Variants in ITGA10 observed in about 807,000 individuals in gnomAD.
The protein encoded by ITGA10 is integrin alpha-10.
ITGA10 carries 105 observed loss-of-function variants against 145.2 expected under a neutral mutation model. The observed-to-expected ratio is 0.72, with a 90% CI of 0.62 to 0.85. The LOEUF (loss-of-function observed/expected upper bound fraction) is 0.85. Ranked by LOEUF, ITGA10 falls within the 40% of genes least tolerant of loss-of-function variation. ITGA10 has a pLI of 0.00. For synonymous variants in ITGA10, 506 were observed against 557.8 expected (o/e 0.91, Z 1.31); for missense variants, 1,317 against 1,444.5 (o/e 0.91, Z 1.43).
intron 20 of ITGA10, 37 bp from the exon 21 acceptor site, chr1:145,897,376 G>A (rs782077123): frequency 5.0e-6 from 8 of 1,608,504 alleles, no homozygotes; most frequent in Non-Finnish European, 6.8e-6. Flanking sequence ...GCTGGAGCTG[G>A]GGCTGCAACT....
chr1:145,903,371 G>A lies in ITGA10; in HGVS notation c.759-410C>T, dbSNP rs138163627. On this transcript the variant is annotated intron_variant, in intron 7 of 29. Coordinates refer to ENST00000369304, the MANE Select transcript of ITGA10 (RefSeq NM_003637.5). ...ATTTTACCACCGTGCCCCTAGAGAT[G>A]AGTTTTGGATCATGTTTGGAACGTG... is the stretch of plus-strand genomic sequence containing the variant. Among the ~76,000 whole-genome samples, 18 of 152,268 alleles carry A rather than the reference G, an allele frequency of 1.2e-4. No homozygotes were observed. The East Asian group carries it at 3.3e-3, about 28-fold the overall frequency.
At position 145,902,776 on chromosome 1, in the gene ITGA10, TC is replaced by T. The variant is rs782658414; in HGVS notation, c.909+34del. On this transcript the variant is annotated intron_variant, in intron 8 of 29. Coordinates refer to ENST00000369304, the MANE Select transcript of ITGA10 (RefSeq NM_003637.5). ...TCACAAGACACTGCCCCCCTGCCAC[TC>T]CCCAACTCTTCCAGATCCAGGGTGA... 73 of 1,587,496 alleles carry T rather than the reference TC, an allele frequency of 4.6e-5. No individual in the cohort carries two copies. In the East Asian group the frequency reaches 1.4e-3, roughly 31 times the overall value.
Position 145,897,082 on chromosome 1 carries a change from G to C in ITGA10, c.2673C>G (p.Thr891=), listed in dbSNP as rs781986055. ...HPVFQTGAKV[T]FLLEFEFSCS... Reference sequence around the variant, plus strand: ...AGCTAAACTCAAACTCTAGCAGAAAGGTCACCTAGGGGCAGGGGACACAGG... The same window carrying C: ...AGCTAAACTCAAACTCTAGCAGAAACGTCACCTAGGGGCAGGGGACACAGG... The change falls in exon 22 of 30, where the codon ACC becomes ACG. Residue 891 remains threonine (T), a synonymous_variant. Transcript: ENST00000369304. 5 of 1,613,664 alleles carry C rather than the reference G, an allele frequency of 3.1e-6. No individual in the cohort carries two copies. In the South Asian group the frequency reaches 4.4e-5, roughly 14 times the overall value.
chr1:145,899,472 A>C (rs2101783956), intron 15 of ITGA10, 131 bp from the exon 16 acceptor site: 1 of 942,784 alleles, frequency 1.1e-6, no homozygotes, highest in Non-Finnish European at 1.6e-6. Flanking sequence ...CCTCCCCCGA[A>C]CCCTCTGACA....
At chr1:145,898,075 G>A (rs1553746002) in intron 18 of ITGA10, 35 bp downstream of exon 18, 1 of 1,494,310 alleles carries the variant, frequency 6.7e-7, no homozygotes, top group Non-Finnish European at 9.3e-7. Context: ...GGAGGGCAGT[G>A]TTGGGAGCAA....
intron 17 of ITGA10, among the ~76,000 whole-genome samples, chr1:145,898,638 G>C (rs1382467120): frequency 2.0e-5 from 3 of 152,142 alleles, no homozygotes; most frequent in Non-Finnish European, 2.9e-5. Flanking sequence ...AAAGTGCTGG[G>C]ATTACAAGCG....
chr1:145,894,337 C>T (rs1286873121), intron 27 of ITGA10, among the ~76,000 whole-genome samples: 1 of 151,994 alleles, frequency 6.6e-6, no homozygotes, highest in African/African-American at 2.4e-5. Flanking sequence ...GTCTCGATCT[C>T]CTGATCTCAT....
rs145526374 is a variant in ITGA10, at chr1:145,902,925, G to A, written c.795C>T (p.Pro265=). ...EGFSQSHGGR[P]EAARLLVVVT... Reference sequence around the variant, plus strand: ...CAACCACCAGTAGCCTGGCAGCCTCGGGTCGGCCCCCATGGGACTGACTGA... The same window carrying A: ...CAACCACCAGTAGCCTGGCAGCCTCAGGTCGGCCCCCATGGGACTGACTGA... The change falls in exon 8 of 30, where the codon CCC becomes CCT. Residue 265 remains proline (P), a synonymous_variant. Coordinates refer to ENST00000369304, the MANE Select transcript of ITGA10 (RefSeq NM_003637.5). The A allele has an allele frequency of 4.3e-4, 700 of 1,612,480 alleles. No homozygotes were observed. The highest frequency in any genetic ancestry group is 5.8e-4 in the Admixed American group (35 of 59,856).
rs1553751444 is a variant in ITGA10, at chr1:145,907,072, G to C, written c.243C>G (p.Ala81=). The change falls in exon 3 of 30, where the codon GCC becomes GCG. Residue 81 remains alanine, a synonymous_variant. Transcript: ENST00000369304. The part of the protein sequence containing the change: ...GDVYRCPVGG[A]HNAPCAKGHL... ...GGCCCTTGGCACATGGGGCATTGTG[G>C]GCCCCCCCTACAGGGCAGCGATAAA... 6.4e-6 allele frequency: 10 copies of C among 1,561,142 alleles called. No individual in the cohort carries two copies. The highest frequency in any genetic ancestry group is 8.7e-6 in the Non-Finnish European group (10 of 1,152,136).
intron 26 of ITGA10, 113 bp downstream of exon 26, chr1:145,895,518 A>G: frequency 7.4e-7 from 1 of 1,343,630 alleles, no homozygotes; most frequent in Non-Finnish European, 1.1e-6. Context: ...ACTCCAGATC[A>G]GGACCCTGGG....
Position 145,902,968 on chromosome 1 carries a change from A to C in ITGA10, c.759-7T>G, listed in dbSNP as rs782274860. 1 of 1,585,646 alleles carries C rather than the reference A, an allele frequency of 6.3e-7. No homozygotes were observed. Among genetic ancestry groups the C allele is most frequent in the South Asian group, 1.2e-5 (1 of 86,262 alleles). ...CTGACTGAACCCTTCTGTGCTGAGA[A>C]GAGAAAGGAGTGAGGTGAGATCAGA... On this transcript the variant is annotated splice_polypyrimidine_tract_variant and splice_region_variant and intron_variant, in intron 7 of 29. Transcript: ENST00000369304.
rs1655267437 is a variant in ITGA10 at position 145,895,572 on chromosome 1, T to C, written c.3114+59A>G. On this transcript the variant is annotated intron_variant, in intron 26 of 29. Coordinates refer to ENST00000369304, the MANE Select transcript of ITGA10 (RefSeq NM_003637.5). Reference sequence around the variant, plus strand: ...CCCCACTCCAGTTCCTACCCTCTTGTCCCAAGTCACCCAACTCCACTTGCA... The same window carrying C: ...CCCCACTCCAGTTCCTACCCTCTTGCCCCAAGTCACCCAACTCCACTTGCA... The C allele has an allele frequency of 7.1e-6, 11 of 1,550,438 alleles. No individual in the cohort carries two copies. In the South Asian group the frequency reaches 1.2e-4, roughly 17 times the overall value.
chr1:145,900,871 C>A lies in ITGA10; in HGVS notation c.1710G>T (p.Gly570=), dbSNP rs782387846. The A allele has an allele frequency of 2.5e-6, 4 of 1,613,910 alleles. No individual in the cohort carries two copies. The African/African-American group carries it at 5.3e-5, about 22-fold the overall frequency. ...CCTGGTGCCCATCTTCCAGAGGCGCCCCCACAGCCACATCAGCAAAACCAT... is the reference window on the plus strand; with the variant it reads ...CCTGGTGCCCATCTTCCAGAGGCGCACCCACAGCCACATCAGCAAAACCAT... ...NQDGFADVAV[G]APLEDGHQGA... is the part of the protein sequence containing the mutation. Residue 570 remains glycine, a synonymous_variant, in exon 14 of 30, where the codon GGG becomes GGT. Transcript: ENST00000369304.
Position 145,892,704 on chromosome 1 carries a change from G to T in ITGA10, c.*94C>A. 9 of 922,662 alleles carry T rather than the reference G, an allele frequency of 9.8e-6. No individual in the cohort carries two copies. The highest frequency in any genetic ancestry group is 1.4e-5 in the Non-Finnish European group (8 of 567,930). 57.2% of individuals were successfully genotyped at this position (922,662 alleles called of 1,614,324 possible). On this transcript the variant is annotated 3_prime_UTR_variant, in exon 30 of 30. Coordinates refer to ENST00000369304, the MANE Select transcript of ITGA10 (RefSeq NM_003637.5). ...GGTCTGGGGAGATAGTCCAGAGGCG[G>T]CTTCTTGTCCCATCTGAGCCCCCAA...
At chr1:145,902,181 C>G (rs1197667675) in intron 10 of ITGA10, 65 bp downstream of exon 10, 7 of 1,578,536 alleles carry the variant, frequency 4.4e-6, no homozygotes, top group Non-Finnish European at 5.2e-6. Flanking sequence ...ATCTGGAGGG[C>G]CCTGTGGTTG....
rs145805758 is a variant in ITGA10, at chr1:145,909,995, G to A, written c.20C>T (p.Thr7Ile). 6.0e-4 allele frequency: 971 copies of A among 1,613,454 alleles called. 6 individuals carry two copies. The African/African-American group carries it at 7.5e-3, about 13-fold the overall frequency. The stretch of plus-strand genomic sequence containing the variant: ...GAACACCAGGGGCAAGAACAGGTGA[G>A]TGACGAAGGGGAGTTCCATGCCTGA... MELPFV[T>I]HLFLPLVFLT... Residue 7 changes from threonine (T) to isoleucine (I), a missense_variant, in exon 1 of 30, where the codon ACT becomes ATT. Coordinates refer to ENST00000369304, the MANE Select transcript of ITGA10 (RefSeq NM_003637.5).
At chr1:145,898,352 A>T (rs1655737448) in intron 17 of ITGA10, 129 bp from the exon 18 acceptor site, 1 of 398,658 alleles carries the variant, frequency 2.5e-6, no homozygotes, top group Non-Finnish European at 4.5e-6. Context: ...AAATTTAATT[A>T]ATTAGTTAAT....
Position 145,897,040 on chromosome 1 carries a change from GCTCAGGAGAGAGGAGCAGCTAAA to G in ITGA10, c.2692_2714del (p.Phe898ProfsTer11), listed in dbSNP as rs782187941. 6.2e-7 allele frequency: 1 copy of G among 1,614,102 alleles called. No individual in the cohort carries two copies. Among genetic ancestry groups the G allele is most frequent in the Admixed American group, 1.7e-5 (1 of 60,026 alleles). ...TGGCAGTCAGCTTCACGAAGACCTG[GCTCAGGAGAGAGGAGCAGCTAAA>G]CTCAAACTCTAGCAGAAAGGTCACC... On this transcript the variant is annotated frameshift_variant, in exon 22 of 30. Coordinates refer to ENST00000369304, the MANE Select transcript of ITGA10 (RefSeq NM_003637.5). LOFTEE classifies it high-confidence loss of function.
At position 145,899,198 on chromosome 1, in the gene ITGA10, G is replaced by C. The variant is rs199527613; in HGVS notation, c.2066C>G (p.Pro689Arg). The part of the protein sequence containing the change: ...ALCFQVTSRT[P>R]GRWDHQFYMR... ...ACAGAATTGGTGATCCCAGCGACCAGGAGTACGGGAGGTCACTTGGAAGCA... is the reference window on the plus strand; with the variant it reads ...ACAGAATTGGTGATCCCAGCGACCACGAGTACGGGAGGTCACTTGGAAGCA... The change falls in exon 16 of 30, where the codon CCT becomes CGT. Residue 689 changes from proline to arginine, a missense_variant. By Grantham distance (103) the Pro-to-Arg change is moderately radical. Coordinates refer to ENST00000369304, the MANE Select transcript of ITGA10 (RefSeq NM_003637.5). 2.5e-6 allele frequency: 4 copies of C among 1,614,270 alleles called. No homozygotes were observed. Among genetic ancestry groups the C allele is most frequent in the Non-Finnish European group, 3.4e-6 (4 of 1,180,054 alleles).
Sources: allele counts gnomAD v4.1 joint callset (sites outside exome capture counted in the v4.1 genomes callset), GRCh38; gene constraint gnomAD v4.1.1; transcripts MANE v1.5; gene names NCBI Gene and HGNC (gene_info 2026-07-23, HGNC 2026-07-21).